CASP8: variants seen among roughly 807,000 people sequenced by gnomAD.
The protein encoded by CASP8 is caspase-8.
A neutral mutation model predicts 46.3 loss-of-function variants in CASP8; 24 were observed. The observed-to-expected ratio is 0.52, with a 90% confidence interval of 0.38 to 0.73. The LOEUF is 0.73. Among genes scored for constraint, CASP8 ranks in the 30% least tolerant of loss-of-function variants. CASP8 has a pLI of 0.00. For synonymous variants in CASP8, 188 were observed against 200.4 expected (o/e 0.94, Z 0.52); for missense variants, 460 against 559.0 (o/e 0.82, Z 1.79).
In CASP8 at chr2:201,272,869, ATT is replaced by A. The variant is rs1164559503; in HGVS notation, c.551-28_551-27del. The A allele has an allele frequency of 3.1e-6, 5 of 1,614,020 alleles. No individual in the cohort carries two copies. In the East Asian group the frequency reaches 6.7e-5, roughly 22 times the overall value. On this transcript the variant is annotated intron_variant, in intron 4 of 8. Transcript: ENST00000673742. This position sits in a 1 kb window ranked among gnomAD's most constrained non-coding sequence, Gnocchi z 4.4. Reference sequence around the variant, plus strand: ...ATATCACAGTTGTTTCTAATCAAATATTGTTTGGGGTTTCCCCTTTTAATTCA... The same window carrying A: ...ATATCACAGTTGTTTCTAATCAAATAGTTTGGGGTTTCCCCTTTTAATTCA...
At chr2:201,259,977 GTT>G (rs546171439), upstream of CASP8, among the ~76,000 whole-genome samples, 5,652 of 136,396 alleles carry the variant, frequency 0.041, 249 homozygotes, top group African/African-American at 0.11. Flanking sequence ...TCTTTTTAGA[GTT>G]TTTTTTTTTT....
chr2:201,268,228 G>C (rs1025317530), intron 2 of CASP8, among the ~76,000 whole-genome samples: 1 of 152,174 alleles, frequency 6.6e-6, no homozygotes, highest in Non-Finnish European at 1.5e-5. Flanking sequence ...CCCAGCCAAG[G>C]CTTGACCATT....
At chr2:201,274,274 A>G (rs960874650) in intron 5 of CASP8, among the ~76,000 whole-genome samples, 2 of 152,160 alleles carry the variant, frequency 1.3e-5, no homozygotes, top group African/African-American at 4.8e-5. Flanking sequence ...GGCTTTATTA[A>G]TGAGTATCTC....
rs377147737 is a variant in CASP8 at position 201,272,985 on chromosome 2, A to C, written c.595+43A>C. 43 of 1,535,520 alleles carry C rather than the reference A, an allele frequency of 2.8e-5. No homozygotes were observed. The highest frequency in any genetic ancestry group is 3.7e-5 in the Non-Finnish European group (41 of 1,109,776). On this transcript the variant is annotated intron_variant, in intron 5 of 8. Transcript: ENST00000673742. This position sits in a 1 kb window ranked among gnomAD's most constrained non-coding sequence, Gnocchi z 4.4. ...ATTTTCAAGATTTAGTTAATTTACT[A>C]TCTGGTACCTGCATGTGTCCTCCCC...
chr2:201,247,174 G>T (rs922717276), intron 2 of CASP8, among the ~76,000 whole-genome samples: 1 of 128,280 alleles, frequency 7.8e-6, no homozygotes, highest in Non-Finnish European at 1.6e-5. Context: ...GGGCGGCAGA[G>T]TGAGACTGTC....
At chr2:201,286,424 CACAG>C (rs753543852) in intron 8 of CASP8, 31 bp from the exon 9 acceptor site, 4 of 1,607,030 alleles carry the variant, frequency 2.5e-6, no homozygotes, top group Non-Finnish European at 3.4e-6. Flanking sequence ...TGCTTTCCCC[CACAG>C]ACAGTCACAA....
chr2:201,257,514 G>A (rs1947081340), upstream of CASP8, among the ~76,000 whole-genome samples: 1 of 151,620 alleles, frequency 6.6e-6, no homozygotes, highest in Non-Finnish European at 1.5e-5. Flanking sequence ...AACAGGGGAG[G>A]GTCTAGGGCT....
chr2:201,260,833 G>A (rs942725305), intron 1 of CASP8, among the ~76,000 whole-genome samples: 2 of 152,136 alleles, frequency 1.3e-5, no homozygotes, highest in South Asian at 2.1e-4. Flanking sequence ...AGATCTGAAG[G>A]CCATTCTAGC....
upstream of CASP8, among the ~76,000 whole-genome samples, chr2:201,258,999 A>AATTC (rs1235915045): frequency 6.6e-6 from 1 of 151,922 alleles, no homozygotes; most frequent in Non-Finnish European, 1.5e-5. Context: ...TCAGGCAAGT[A>AATTC]ATTCCTCTGT....
intron 2 of CASP8, among the ~76,000 whole-genome samples, chr2:201,251,764 G>T (rs374841925): frequency 1.3e-5 from 2 of 151,858 alleles, no homozygotes; most frequent in East Asian, 1.9e-4. Flanking sequence ...TTAGCTGGGC[G>T]TGGTGGTCAT....
intron 2 of CASP8, among the ~76,000 whole-genome samples, chr2:201,245,898 G>A (rs1170880784): frequency 9.6e-5 from 12 of 124,396 alleles, no homozygotes; most frequent in East Asian, 2.1e-4. Flanking sequence ...ACGGAGTTTC[G>A]CTCTTGTTGC....
At chr2:201,246,447 A>T in intron 2 of CASP8, among the ~76,000 whole-genome samples, 1 of 152,170 alleles carries the variant, frequency 6.6e-6, no homozygotes, top group East Asian at 1.9e-4. Context: ...CCCCATCCCC[A>T]CACACACTAG....
chr2:201,286,821 G>A lies in CASP8; in HGVS notation c.*227G>A, dbSNP rs1419058439. 1 of 429,204 alleles carries A rather than the reference G, an allele frequency of 2.3e-6. No individual in the cohort carries two copies. Among genetic ancestry groups the A allele is most frequent in the Admixed American group, 3.5e-5 (1 of 28,700 alleles). 26.6% of individuals were successfully genotyped at this position (429,204 alleles called of 1,614,324 possible). ...TTTTTAGTAGAGACAGGGTTTCACT[G>A]TGTTAGCCAGGGTGGTCTTGATCTC... On this transcript the variant is annotated 3_prime_UTR_variant, in exon 9 of 9. Transcript: ENST00000673742.
intron 2 of CASP8, among the ~76,000 whole-genome samples, chr2:201,235,246 A>C (rs1218467885): frequency 6.6e-6 from 1 of 152,114 alleles, no homozygotes; most frequent in Non-Finnish European, 1.5e-5. Context: ...CAGTTGGTAC[A>C]TCTTTTTCCA....
intron 2 of CASP8, among the ~76,000 whole-genome samples, chr2:201,254,012 C>T (rs957284724): frequency 2.7e-4 from 40 of 150,154 alleles, no homozygotes; most frequent in African/African-American, 8.8e-4. Context: ...ACCCAGGAGG[C>T]GGAGGTTGCG....
chr2:201,243,010 A>C (rs1368439736), intron 2 of CASP8: 2 of 153,252 alleles, frequency 1.3e-5, no homozygotes, highest in Non-Finnish European at 2.9e-5. Flanking sequence ...TTCTACTTAC[A>C]TGTGGTATCT....
intron 2 of CASP8, among the ~76,000 whole-genome samples, chr2:201,237,085 A>ATTTTTTTTTTTTTTTTTTTT (rs34775964): frequency 2.3e-5 from 2 of 88,104 alleles, no homozygotes. Flanking sequence ...ACCCCTTTCT[A>ATTTTTTTTTTTTTTTTTTTT]TTTTTTTTTT....
intron 1 of CASP8, among the ~76,000 whole-genome samples, chr2:201,264,208 G>A (rs531969503): frequency 9.2e-5 from 14 of 152,266 alleles, no homozygotes; most frequent in Admixed American, 2.6e-4. Flanking sequence ...ATAAACAGTT[G>A]TTTCTGCTCT....
chr2:201,261,704 C>T (rs892830543), intron 1 of CASP8, among the ~76,000 whole-genome samples: 4 of 152,154 alleles, frequency 2.6e-5, no homozygotes, highest in Non-Finnish European at 5.9e-5. Flanking sequence ...GAGGGAGTGG[C>T]AATACTACCT....
Sources: allele counts gnomAD v4.1 joint callset (sites outside exome capture counted in the v4.1 genomes callset), GRCh38; gene constraint gnomAD v4.1.1; non-coding constraint Gnocchi (gnomAD v3.1); transcripts MANE v1.5; gene names NCBI Gene and HGNC (gene_info 2026-07-23, HGNC 2026-07-21).